Variants in CPS1 observed in about 807,000 individuals in gnomAD.
CPS1 encodes carbamoyl-phosphate synthase [ammonia], mitochondrial.
A neutral mutation model predicts 174.6 loss-of-function variants in CPS1; 109 were observed. The ratio of observed to expected loss-of-function variants is 0.62; its 90% CI spans 0.53 to 0.73. The LOEUF (loss-of-function observed/expected upper bound fraction) is 0.73. CPS1 is among the 30% of genes least tolerant of loss of function. CPS1 has a pLI of 0.00. For synonymous variants in CPS1, 637 were observed against 632.0 expected (o/e 1.01, Z -0.12); for missense variants, 1,689 against 1,821.9 (o/e 0.93, Z 1.33).
intron 21 of CPS1, among the ~76,000 whole-genome samples, chr2:210,633,073 A>C (rs987238657): frequency 3.3e-5 from 5 of 152,162 alleles, no homozygotes; most frequent in African/African-American, 7.2e-5. Flanking sequence ...CAAAATTCTC[A>C]CCTAGTATGA....
intron 1 of CPS1, among the ~76,000 whole-genome samples, chr2:210,488,805 T>C (rs1331404984): frequency 6.6e-6 from 1 of 152,178 alleles, no homozygotes; most frequent in African/African-American, 2.4e-5. Context: ...TCATTCCTTC[T>C]ACTTTTTGAT....
At chr2:210,584,854 C>G (rs1039136516) in intron 6 of CPS1, among the ~76,000 whole-genome samples, 1 of 152,026 alleles carries the variant, frequency 6.6e-6, no homozygotes, top group Non-Finnish European at 1.5e-5. Context: ...GAAACCTCTT[C>G]AAGACTCCCT....
chr2:210,486,018 C>G (rs73071719), intron 1 of CPS1, among the ~76,000 whole-genome samples: 6,003 of 150,530 alleles, frequency 0.04, 362 homozygotes, highest in African/African-American at 0.13. Context: ...TCCCTAATTA[C>G]TAATGCTGTT....
At chr2:210,530,384 A>G (rs11900312) in intron 1 of CPS1, among the ~76,000 whole-genome samples, 535 of 152,218 alleles carry the variant, frequency 3.5e-3, no homozygotes, top group African/African-American at 0.012. Flanking sequence ...ATAAAAATAA[A>G]ATTATTCACT....
At chr2:210,615,916 C>G (rs1231856747) in intron 20 of CPS1, among the ~76,000 whole-genome samples, 2 of 151,976 alleles carry the variant, frequency 1.3e-5, no homozygotes, top group African/African-American at 4.8e-5. Context: ...TAAAGCCAAG[C>G]CAGATCCGAC....
chr2:210,645,638 C>T (rs954499), intron 25 of CPS1, among the ~76,000 whole-genome samples: 10,215 of 152,138 alleles, frequency 0.067, 522 homozygotes, highest in African/African-American at 0.13. Context: ...AAAAAATTAG[C>T]TGGGCGTGGT....
At chr2:210,528,828 T>TC (rs1267045562) in intron 1 of CPS1, among the ~76,000 whole-genome samples, 9 of 151,078 alleles carry the variant, frequency 6.0e-5, no homozygotes, top group African/African-American at 2.2e-4. Flanking sequence ...TTTTTTTTTT[T>TC]TTTTTTTGAG....
intron 6 of CPS1, among the ~76,000 whole-genome samples, chr2:210,586,738 C>T (rs1237677049): frequency 1.3e-5 from 2 of 152,166 alleles, no homozygotes; most frequent in Non-Finnish European, 2.9e-5. Flanking sequence ...AAGGGAGATG[C>T]TGCAGTGGTG....
chr2:210,654,237 A>G lies in CPS1; in HGVS notation c.3558+135A>G. The G allele has an allele frequency of 3.9e-6, 3 of 759,920 alleles. No homozygotes were observed. In the South Asian group the frequency reaches 4.7e-5, roughly 12 times the overall value. 47.1% of individuals were successfully genotyped at this position (759,920 alleles called of 1,614,324 possible). On this transcript the variant is annotated intron_variant, in intron 29 of 37. Transcript: ENST00000233072. ...CCAGTAATAGTGGAGAAGCTGTAAA[A>G]AAAATCAAATTCTCTGACAATTCAG...
intron 16 of CPS1, 43 bp from the exon 17 acceptor site, chr2:210,605,059 T>C: frequency 6.2e-7 from 1 of 1,609,824 alleles, no homozygotes; most frequent in Non-Finnish European, 8.5e-7. Context: ...TTGAAGCCAG[T>C]GCTTTTTCTT....
At chr2:210,659,672 GC>G (rs1236795834) in intron 31 of CPS1, among the ~76,000 whole-genome samples, 1 of 152,136 alleles carries the variant, frequency 6.6e-6, no homozygotes, top group Non-Finnish European at 1.5e-5. Context: ...TATTAAGCAA[GC>G]CTCTGCTCTC....
intron 1 of CPS1, among the ~76,000 whole-genome samples, chr2:210,558,558 A>G (rs985692002): frequency 2.6e-4 from 39 of 152,056 alleles, no homozygotes; most frequent in African/African-American, 8.0e-4. Flanking sequence ...GTGCCATCTA[A>G]TACTTCAAAG....
intron 8 of CPS1, 107 bp from the exon 9 acceptor site, chr2:210,590,693 A>C (rs1698263832): frequency 1.2e-6 from 1 of 811,528 alleles, no homozygotes; most frequent in Non-Finnish European, 2.1e-6. Context: ...TTCAGTTACT[A>C]TTCTCTTTAC....
chr2:210,667,679 G>T (rs551503391), intron 33 of CPS1, among the ~76,000 whole-genome samples: 116 of 152,166 alleles, frequency 7.6e-4, no homozygotes, highest in Non-Finnish European at 1.5e-3. Flanking sequence ...TCAGAAGGCT[G>T]TCTCATAAGC....
At chr2:210,615,047 G>C (rs779304444) in intron 20 of CPS1, among the ~76,000 whole-genome samples, 1 of 151,532 alleles carries the variant, frequency 6.6e-6, no homozygotes, top group Non-Finnish European at 1.5e-5. Flanking sequence ...ATATATAAAA[G>C]AAAGAAATCA....
chr2:210,479,653 A>T (rs1409505700), intron 1 of CPS1, among the ~76,000 whole-genome samples: 1 of 152,180 alleles, frequency 6.6e-6, no homozygotes, highest in South Asian at 2.1e-4. Flanking sequence ...TAGGACTTCA[A>T]CGTATGAATT....
intron 1 of CPS1, among the ~76,000 whole-genome samples, chr2:210,503,857 G>A (rs1574473281): frequency 6.6e-6 from 1 of 151,594 alleles, no homozygotes; most frequent in Non-Finnish European, 1.5e-5. Flanking sequence ...AGCACAATTC[G>A]GGTGACGGCC....
At chr2:210,592,078 G>C (rs902128059) in intron 10 of CPS1, 109 bp downstream of exon 10, 5 of 1,224,544 alleles carry the variant, frequency 4.1e-6, no homozygotes, top group Non-Finnish European at 5.7e-6. Flanking sequence ...GTGATATTTT[G>C]ATACATGCAT....
Position 210,612,119 on chromosome 2 carries a change from C to A in CPS1, c.2394C>A (p.Val798=), listed in dbSNP as rs35678745. 1.4e-3 allele frequency: 2,328 copies of A among 1,611,646 alleles called. 28 individuals are homozygous for A. In the African/African-American group the frequency reaches 0.026, roughly 18 times the overall value. ...GAGGTCTTAAACATGTATTACAGGT[C>A]ATGGCTATTGGTCGTACCTTTGAGG... ...IGSSMKSVGE[V]MAIGRTFEES... Residue 798 remains valine (V), a splice_region_variant and synonymous_variant, in exon 20 of 38, where the codon GTC becomes GTA. Coordinates refer to ENST00000233072, the MANE Select transcript of CPS1 (RefSeq NM_001875.5).
Sources: allele counts gnomAD v4.1 joint callset (sites outside exome capture counted in the v4.1 genomes callset), GRCh38; gene constraint gnomAD v4.1.1; transcripts MANE v1.5; gene names NCBI Gene and HGNC (gene_info 2026-07-23, HGNC 2026-07-21).